PPP1R9A: variants seen among roughly 807,000 people sequenced by gnomAD.
PPP1R9A encodes protein phosphatase 1 regulatory subunit 9A.
Under a neutral mutation model 141.9 loss-of-function variants are expected in PPP1R9A, and 59 were observed. The ratio of observed to expected loss-of-function variants is 0.42; its 90% CI spans 0.34 to 0.52. The LOEUF (loss-of-function observed/expected upper bound fraction) is 0.52. PPP1R9A is among the 20% of genes least tolerant of loss of function. The pLI is 0.10. For missense variants in PPP1R9A, 1,444 were observed against 1,611.9 expected (o/e 0.90, Z 1.78); for synonymous variants, 500 against 569.7 (o/e 0.88, Z 1.74).
At chr7:95,103,647 C>T (rs775430686) in intron 2 of PPP1R9A, among the ~76,000 whole-genome samples, 5 of 152,112 alleles carry the variant, frequency 3.3e-5, no homozygotes, top group Non-Finnish European at 7.4e-5. Flanking sequence ...GGATTACAGG[C>T]GTGAGCCCCC....
chr7:95,161,807 T>C (rs1162338205), intron 4 of PPP1R9A, 60 bp from the exon 5 acceptor site: 2 of 1,101,618 alleles, frequency 1.8e-6, no homozygotes, highest in East Asian at 5.3e-5. Flanking sequence ...TTGGAAATGA[T>C]TATTACATAA....
chr7:95,252,962 T>G (rs1304088194), intron 12 of PPP1R9A, among the ~76,000 whole-genome samples: 1 of 152,222 alleles, frequency 6.6e-6, no homozygotes, highest in Non-Finnish European at 1.5e-5. Flanking sequence ...CTGGAAACAT[T>G]TGGTATTATA....
At chr7:95,026,034 T>A (rs926653227) in intron 2 of PPP1R9A, among the ~76,000 whole-genome samples, 1 of 152,218 alleles carries the variant, frequency 6.6e-6, no homozygotes, top group East Asian at 1.9e-4. Context: ...TTCCTTTAGC[T>A]CAGAGGAGTT....
intron 9 of PPP1R9A, among the ~76,000 whole-genome samples, chr7:95,248,285 C>G (rs1380457714): frequency 6.9e-6 from 1 of 145,464 alleles, no homozygotes; most frequent in African/African-American, 2.5e-5. Flanking sequence ...CCCCCAATCA[C>G]CACCACCACT....
At chr7:95,084,187 C>A (rs1816302041) in intron 2 of PPP1R9A, among the ~76,000 whole-genome samples, 1 of 151,888 alleles carries the variant, frequency 6.6e-6, no homozygotes. Flanking sequence ...ATTTAATGCC[C>A]ATGTTGAAAG....
intron 2 of PPP1R9A, among the ~76,000 whole-genome samples, chr7:95,016,469 A>G (rs1805121346): frequency 6.6e-6 from 1 of 152,160 alleles, no homozygotes; most frequent in African/African-American, 2.4e-5. Context: ...TCTTAACAGA[A>G]TATTAGTAAA....
intron 2 of PPP1R9A, among the ~76,000 whole-genome samples, chr7:95,054,444 T>C (rs1036511483): frequency 6.6e-6 from 1 of 152,062 alleles, no homozygotes; most frequent in African/African-American, 2.4e-5. Context: ...GATTTAATTC[T>C]ATATCATTAC....
intron 2 of PPP1R9A, among the ~76,000 whole-genome samples, chr7:95,108,519 C>T (rs909529741): frequency 3.3e-5 from 5 of 151,536 alleles, no homozygotes; most frequent in Admixed American, 1.3e-4. Context: ...ACCGTGTTAG[C>T]GAGGACAGTC....
intron 2 of PPP1R9A, among the ~76,000 whole-genome samples, chr7:95,071,355 T>C (rs183351018): frequency 2.0e-5 from 3 of 152,112 alleles, no homozygotes; most frequent in Admixed American, 2.0e-4. Context: ...TAGGGTGATA[T>C]TGAGGCCATG....
chr7:95,064,628 C>G (rs1460634521), intron 2 of PPP1R9A, among the ~76,000 whole-genome samples: 5 of 152,228 alleles, frequency 3.3e-5, no homozygotes, highest in Non-Finnish European at 7.3e-5. Context: ...GTTTTTGTCA[C>G]TCTGACCTGT....
chr7:95,062,005 C>A (rs1441199026), intron 2 of PPP1R9A, among the ~76,000 whole-genome samples: 2 of 152,142 alleles, frequency 1.3e-5, no homozygotes, highest in Non-Finnish European at 2.9e-5. Context: ...TTAAATTAAA[C>A]CACTCAGGCA....
At chr7:95,175,342 T>C (rs1186419300) in intron 5 of PPP1R9A, among the ~76,000 whole-genome samples, 1 of 151,938 alleles carries the variant, frequency 6.6e-6, no homozygotes, top group Non-Finnish European at 1.5e-5. Context: ...GGCAAATAGA[T>C]TAATGCTATA....
chr7:95,150,905 T>C (rs935635026), intron 4 of PPP1R9A, among the ~76,000 whole-genome samples: 1 of 152,214 alleles, frequency 6.6e-6, no homozygotes, highest in African/African-American at 2.4e-5. Flanking sequence ...AGTAAGCATA[T>C]GAGAAGTTGT....
At chr7:95,286,392 A>G (rs1805338478) in intron 18 of PPP1R9A, 67 bp downstream of exon 18, 9 of 1,586,484 alleles carry the variant, frequency 5.7e-6, no homozygotes, top group Middle Eastern at 1.7e-4. Context: ...AACCATCACC[A>G]GGAAAATGTT....
At chr7:95,033,050 G>T (rs950587707) in intron 2 of PPP1R9A, among the ~76,000 whole-genome samples, 7 of 151,846 alleles carry the variant, frequency 4.6e-5, no homozygotes, top group East Asian at 3.9e-4. Context: ...TGTCGCCTGG[G>T]CTGGAGTGTA....
At chr7:94,951,949 T>C (rs1306775295) in intron 2 of PPP1R9A, among the ~76,000 whole-genome samples, 1 of 151,984 alleles carries the variant, frequency 6.6e-6, no homozygotes, top group Non-Finnish European at 1.5e-5. Flanking sequence ...TAAGGTTATA[T>C]TTTCTTTCTT....
intron 2 of PPP1R9A, among the ~76,000 whole-genome samples, chr7:95,071,377 A>C (rs1248377169): frequency 6.6e-6 from 1 of 151,994 alleles, no homozygotes; most frequent in Non-Finnish European, 1.5e-5. Context: ...AATACAGAAT[A>C]ATCTATTTCG....
At chr7:94,936,101 A>G (rs1794737227) in intron 2 of PPP1R9A, among the ~76,000 whole-genome samples, 2 of 152,166 alleles carry the variant, frequency 1.3e-5, no homozygotes, top group African/African-American at 2.4e-5. Flanking sequence ...ATTTTCCTCA[A>G]TAATTAGGTT....
intron 5 of PPP1R9A, among the ~76,000 whole-genome samples, chr7:95,189,609 T>C (rs982678866): frequency 2.6e-5 from 4 of 151,470 alleles, no homozygotes; most frequent in Non-Finnish European, 5.9e-5. Flanking sequence ...GCTAATTTTT[T>C]GTATTTTTAG....
Sources: gnomAD v4.1 joint callset for allele counts (sites outside exome capture counted in the v4.1 genomes callset) on GRCh38, gnomAD v4.1.1 for gene constraint, MANE v1.5 for transcripts, NCBI Gene and HGNC (gene_info 2026-07-23, HGNC 2026-07-21) for gene names.